The following SYNE1 variants were observed in gnomAD, a reference collection of about 807,000 sequenced individuals.
SYNE1 encodes the protein nesprin-1.
A neutral mutation model predicts 1,111.0 loss-of-function variants in SYNE1; 616 were observed. That is an observed-to-expected ratio of 0.55 (90% CI 0.52 to 0.59). The LOEUF (loss-of-function observed/expected upper bound fraction) is 0.59, where lower values mean the gene tolerates loss of function less well. Among genes scored for constraint, SYNE1 ranks in the 20% least tolerant of loss-of-function variants. The probability of loss-of-function intolerance (pLI) is 0.00; values close to 1 mark genes in which losing one functional copy is unlikely to be tolerated. For missense variants in SYNE1, 10,006 were observed against 10,417.0 expected, an observed-to-expected ratio of 0.96 and a Z score of 1.72; for synonymous variants, 3,855 against 3,825.8, an observed-to-expected ratio of 1.01 and a Z score of -0.28.
At chr6:152,456,330 T>C (rs766772899) in intron 22 of SYNE1, among the ~76,000 whole-genome samples, 6 of 152,036 alleles carry the variant, frequency 3.9e-5, no homozygotes, top group Non-Finnish European at 8.8e-5. Flanking sequence ...AAGAAAATGA[T>C]AGAGCATCAA....
Position 152,151,675 on chromosome 6 carries a change from G to A in SYNE1, c.24328C>T (p.Arg8110Cys), listed in dbSNP as rs749473816. ...LRRLKHFIGQ[R>C]EEFETARDSI... ...TCCCGCGCAGTCTCAAACTCCTCACGCTGGCCAATAAAATGCTGGAAGGCA... is the reference window on the plus strand; with the variant it reads ...TCCCGCGCAGTCTCAAACTCCTCACACTGGCCAATAAAATGCTGGAAGGCA... Residue 8110 changes from arginine (R) to cysteine (C), a missense_variant, in exon 135 of 146, where the codon CGT (arginine) becomes TGT (cysteine). Transcript: ENST00000367255. 5 of 1,613,978 alleles carry A rather than the reference G, an allele frequency of 3.1e-6. No homozygotes were observed. In the South Asian group the frequency reaches 4.4e-5, roughly 14 times the overall value.
chr6:152,350,434 A>G, intron 71 of SYNE1, 99 bp from the exon 72 acceptor site: 2 of 1,528,064 alleles, frequency 1.3e-6, no homozygotes, highest in Non-Finnish European at 1.8e-6. Flanking sequence ...CAGGGTAGTT[A>G]GAGCTACTTA....
At chr6:152,574,149 T>TACACATATATATGTATATATATAC (rs1442302544) in intron 3 of SYNE1, among the ~76,000 whole-genome samples, 98 of 149,694 alleles carry the variant, frequency 6.5e-4, no homozygotes, top group African/African-American at 2.4e-3. Flanking sequence ...TAATGGGATA[T>TACACATATATATGTATATATATAC]ACACATATAT....
chr6:152,348,088 T>A (rs112204324), intron 72 of SYNE1, among the ~76,000 whole-genome samples: 4,042 of 152,312 alleles, frequency 0.027, 191 homozygotes, highest in African/African-American at 0.091. Flanking sequence ...TTTTTAATTC[T>A]TGTAATATCT....
At chr6:152,574,000 C>A (rs1039384865) in intron 3 of SYNE1, among the ~76,000 whole-genome samples, 22 of 152,114 alleles carry the variant, frequency 1.4e-4, no homozygotes, top group Admixed American at 1.3e-3. Context: ...AGATGTTCAA[C>A]CAAGCTCTGA....
intron 42 of SYNE1, among the ~76,000 whole-genome samples, chr6:152,412,356 G>A (rs1239984433): frequency 2.6e-5 from 4 of 151,912 alleles, no homozygotes; most frequent in East Asian, 3.9e-4. Context: ...CCTGGGAGGT[G>A]GAGCTTGCAG....
At chr6:152,452,375 A>G (rs1356697499) in intron 25 of SYNE1, among the ~76,000 whole-genome samples, 1 of 152,174 alleles carries the variant, frequency 6.6e-6, no homozygotes, top group African/African-American at 2.4e-5. Flanking sequence ...TTACAATATG[A>G]TATGCTTCAA....
At chr6:152,538,134 TAGA>T (rs2099252559) in intron 4 of SYNE1, among the ~76,000 whole-genome samples, 1 of 152,188 alleles carries the variant, frequency 6.6e-6, no homozygotes, top group Admixed American at 6.6e-5. Flanking sequence ...TGGGGATTCT[TAGA>T]AGATCTTAGA....
chr6:152,341,254 T>G (rs1280023770), intron 74 of SYNE1, among the ~76,000 whole-genome samples: 2 of 152,198 alleles, frequency 1.3e-5, no homozygotes, highest in South Asian at 2.1e-4. Context: ...GAAAGTTATT[T>G]GTCTCAAACA....
chr6:152,417,569 T>A (rs925605409), intron 40 of SYNE1, among the ~76,000 whole-genome samples: 4 of 152,208 alleles, frequency 2.6e-5, no homozygotes, highest in South Asian at 2.1e-4. Flanking sequence ...GTGAAAAAAA[T>A]TTCTTTGTGG....
Position 152,148,827 on chromosome 6 carries a change from C to T in SYNE1, c.24643-449G>A, listed in dbSNP as rs1396594919. Among the ~76,000 whole-genome samples, 1 of 151,762 alleles carries T rather than the reference C, an allele frequency of 6.6e-6. No individual in the cohort carries two copies. Among genetic ancestry groups the T allele is most frequent in the Non-Finnish European group, 1.5e-5 (1 of 67,898 alleles). ...ATTATAAAGAAAGGCAATCTACTAC[C>T]ATGCCCACCACACAACACCTACACA... On this transcript the variant is annotated intron_variant, in intron 136 of 145. Coordinates refer to ENST00000367255, the MANE Select transcript of SYNE1 (RefSeq NM_182961.4). This position sits in a 1 kb window ranked among gnomAD's most constrained non-coding sequence, Gnocchi z 4.1.
chr6:152,168,273 T>G lies in SYNE1; in HGVS notation c.23628-3948A>C, dbSNP rs2064178417. 3.6e-5 allele frequency: 23 copies of G among 641,978 alleles called. No individual in the cohort carries two copies. In the East Asian group the frequency reaches 5.9e-4, roughly 17 times the overall value. The allele number at this position is 641,978 out of a possible 1,614,324, so 39.8% of individuals were successfully genotyped here. ...TATATCCTGCGTGGGGATGAAAGTTTCCCCTTGTCTGTGTATAGAAGTATG... is the reference window on the plus strand; with the variant it reads ...TATATCCTGCGTGGGGATGAAAGTTGCCCCTTGTCTGTGTATAGAAGTATG... On this transcript the variant is annotated intron_variant, in intron 130 of 145. Coordinates refer to ENST00000367255, the MANE Select transcript of SYNE1 (RefSeq NM_182961.4).
chr6:152,540,062 C>A, intron 3 of SYNE1, 41 bp from the exon 4 acceptor site: 1 of 1,583,876 alleles, frequency 6.3e-7, no homozygotes, highest in South Asian at 1.1e-5. Flanking sequence ...TGTAATATTT[C>A]ATGAAGCTGT....
At chr6:152,325,831 T>C (rs2096053845) in intron 80 of SYNE1, 127 bp downstream of exon 80, 1 of 1,150,936 alleles carries the variant, frequency 8.7e-7, no homozygotes. Flanking sequence ...TTCTATAAAA[T>C]GTTGTTAAAT....
rs748953708 is a variant in SYNE1, at chr6:152,323,546, G to A, written c.15849C>T (p.Ala5283=). ...QQTLSMLQDG[A]APTPGEEPPL... Reference sequence around the variant, plus strand: ...GAGGCTCTTCCCCAGGGGTTGGGGCGGCTCCATCCTGGAGCATGCTCAGGG... The same window carrying A: ...GAGGCTCTTCCCCAGGGGTTGGGGCAGCTCCATCCTGGAGCATGCTCAGGG... Residue 5283 remains alanine, a synonymous_variant, in exon 82 of 146, where the codon GCC becomes GCT. Coordinates refer to ENST00000367255, the MANE Select transcript of SYNE1 (RefSeq NM_182961.4). 6.8e-6 allele frequency: 11 copies of A among 1,614,224 alleles called. No individual in the cohort carries two copies. The highest frequency in any genetic ancestry group is 4.5e-5 in the East Asian group (2 of 44,886).
intron 46 of SYNE1, among the ~76,000 whole-genome samples, chr6:152,402,133 G>A (rs368392125): frequency 3.9e-5 from 6 of 152,046 alleles, no homozygotes; most frequent in African/African-American, 7.2e-5. Flanking sequence ...GGCAGGAGGC[G>A]GGTGAGGCAT....
chr6:152,260,651 T>A (rs1202811029), intron 101 of SYNE1, among the ~76,000 whole-genome samples: 1 of 151,182 alleles, frequency 6.6e-6, no homozygotes, highest in Admixed American at 6.6e-5. Flanking sequence ...GGACACCTTA[T>A]GACCTTCAGA....
In SYNE1 at chr6:152,331,454, C is replaced by A. The variant is rs768553487; in HGVS notation, c.13231G>T (p.Val4411Phe). 25 of 1,614,152 alleles carry A rather than the reference C, an allele frequency of 1.5e-5. No individual in the cohort carries two copies. The highest frequency in any genetic ancestry group is 1.1e-4 in the South Asian group (10 of 91,076). Residue 4411 changes from valine to phenylalanine, a missense_variant, in exon 78 of 146, where the codon GTC becomes TTC. Coordinates refer to ENST00000367255, the MANE Select transcript of SYNE1 (RefSeq NM_182961.4). Reference protein sequence around the residue: ...LKSLIKDADRVMADLGLNERQ... With the variant: ...LKSLIKDADRFMADLGLNERQ... ...TCATTGAGACCAAGATCTGCCATGA[C>A]CCTGTCTGCGTCCTTTATAAGCGAT...
At chr6:152,603,551 G>C (rs2099601192) in intron 3 of SYNE1, among the ~76,000 whole-genome samples, 1 of 151,942 alleles carries the variant, frequency 6.6e-6, no homozygotes. Flanking sequence ...TTCTGTTTCT[G>C]GGTTAGGTAG....
Sources: allele counts gnomAD v4.1 joint callset (sites outside exome capture counted in the v4.1 genomes callset), GRCh38; gene constraint gnomAD v4.1.1; non-coding constraint Gnocchi (gnomAD v3.1); transcripts MANE v1.5; gene names NCBI Gene and HGNC (gene_info 2026-07-23, HGNC 2026-07-21).